The following REDIC1 variants were observed in gnomAD, a reference collection of about 807,000 sequenced individuals.
The protein encoded by REDIC1 is HEI10 Interacting Protein 1.
At chr12:39,682,004 T>TTAG in the REDIC1 span, among the ~76,000 whole-genome samples, 1 of 151,766 alleles carries the variant, frequency 6.6e-6, no homozygotes, top group Non-Finnish European at 1.5e-5. Flanking sequence ...TAACCTAGAA[T>TTAG]TATTTCTGCA....
the REDIC1 span, chr12:39,643,988 T>C: frequency 1.6e-6 from 2 of 1,215,778 alleles, no homozygotes; most frequent in Non-Finnish European, 2.3e-6. Flanking sequence ...TCTAATTAGT[T>C]TGTAATTTTT....
the REDIC1 span, among the ~76,000 whole-genome samples, chr12:39,648,386 C>T: frequency 1.3e-5 from 2 of 151,854 alleles, no homozygotes; most frequent in Admixed American, 1.3e-4. Flanking sequence ...GTAGTAGTCT[C>T]TTAAAGTGAT....
the REDIC1 span, among the ~76,000 whole-genome samples, chr12:39,817,582 G>A: frequency 6.6e-6 from 1 of 152,152 alleles, no homozygotes; most frequent in Non-Finnish European, 1.5e-5. Flanking sequence ...AAGGGGGTTA[G>A]TGAAACAAAG....
At chr12:39,699,998 G>A in the REDIC1 span, among the ~76,000 whole-genome samples, 7 of 152,182 alleles carry the variant, frequency 4.6e-5, no homozygotes, top group South Asian at 2.1e-4. Context: ...AAAAAACAGA[G>A]CAGAAAAACT....
At chr12:39,876,332 T>C in the REDIC1 span, among the ~76,000 whole-genome samples, 1 of 152,176 alleles carries the variant, frequency 6.6e-6, no homozygotes, top group African/African-American at 2.4e-5. Context: ...TAACTAGCAA[T>C]AAAAGACTAA....
the REDIC1 span, chr12:39,641,062 A>G: frequency 1.6e-5 from 20 of 1,234,996 alleles, no homozygotes; most frequent in South Asian, 1.2e-4. Context: ...CTTTTCTACC[A>G]CTAATACATT....
chr12:39,730,388 A>G, the REDIC1 span, among the ~76,000 whole-genome samples: 1 of 152,178 alleles, frequency 6.6e-6, no homozygotes, highest in Non-Finnish European at 1.5e-5. Flanking sequence ...GCTTGTCTCT[A>G]AAGGATTTTA....
chr12:39,780,315 G>GAT, the REDIC1 span, among the ~76,000 whole-genome samples: 21 of 152,122 alleles, frequency 1.4e-4, no homozygotes, highest in East Asian at 4.1e-3. Context: ...TACCAGTTCA[G>GAT]ATATATATAT....
At chr12:39,740,683 G>A in the REDIC1 span, among the ~76,000 whole-genome samples, 3 of 152,150 alleles carry the variant, frequency 2.0e-5, no homozygotes, top group African/African-American at 7.2e-5. Flanking sequence ...AATATAGTGA[G>A]GAAGAAAGAA....
chr12:39,859,803 C>T, the REDIC1 span, among the ~76,000 whole-genome samples: 7 of 151,926 alleles, frequency 4.6e-5, no homozygotes, highest in East Asian at 1.9e-4. Flanking sequence ...TGGGATTACA[C>T]GCCTGAGCCA....
chr12:39,692,394 TTTC>T, the REDIC1 span, among the ~76,000 whole-genome samples: 1 of 151,982 alleles, frequency 6.6e-6, no homozygotes, highest in Non-Finnish European at 1.5e-5. Context: ...CTTTTGAAGA[TTTC>T]TTCAATTGTA....
chr12:39,899,374 CTTCT>C, the REDIC1 span, among the ~76,000 whole-genome samples: 4 of 152,002 alleles, frequency 2.6e-5, no homozygotes, highest in Non-Finnish European at 5.9e-5. Context: ...CCTCTCTTTT[CTTCT>C]TTATTAGTCT....
the REDIC1 span, among the ~76,000 whole-genome samples, chr12:39,653,945 G>A: frequency 6.6e-6 from 1 of 151,212 alleles, no homozygotes; most frequent in Admixed American, 6.6e-5. Context: ...GTTAGCTATA[G>A]GTGTTTTTGT....
At chr12:39,899,271 A>G in the REDIC1 span, among the ~76,000 whole-genome samples, 3 of 152,060 alleles carry the variant, frequency 2.0e-5, no homozygotes, top group Non-Finnish European at 2.9e-5. Flanking sequence ...ATTTGCGTAG[A>G]GGTGTTTGCA....
the REDIC1 span, among the ~76,000 whole-genome samples, chr12:39,658,792 C>T: frequency 6.6e-6 from 1 of 152,054 alleles, no homozygotes. Flanking sequence ...AGATTATCTT[C>T]AAGTTATAGT....
At chr12:39,713,542 G>A in the REDIC1 span, among the ~76,000 whole-genome samples, 1 of 148,716 alleles carries the variant, frequency 6.7e-6, no homozygotes, top group Non-Finnish European at 1.5e-5. Flanking sequence ...ACGTACATAC[G>A]TATACATGCG....
chr12:39,855,468 C>A, the REDIC1 span, among the ~76,000 whole-genome samples: 1 of 152,134 alleles, frequency 6.6e-6, no homozygotes, highest in Non-Finnish European at 1.5e-5. Context: ...ATGAATTATG[C>A]CAGGTCATGC....
the REDIC1 span, among the ~76,000 whole-genome samples, chr12:39,765,722 TA>T: frequency 4.6e-5 from 7 of 152,078 alleles, no homozygotes; most frequent in Admixed American, 2.6e-4. Flanking sequence ...TGGCCTCATT[TA>T]AAAAAATTAT....
At chr12:39,835,859 A>G in the REDIC1 span, 1 of 152,146 alleles carries the variant, frequency 6.6e-6, no homozygotes, top group African/African-American at 2.4e-5. Flanking sequence ...TGACGTAAAT[A>G]TATTAGTCAT....
Sources: allele counts gnomAD v4.1 joint callset (sites outside exome capture counted in the v4.1 genomes callset), GRCh38; gene constraint gnomAD v4.1.1; transcripts MANE v1.5; gene names NCBI Gene and HGNC (gene_info 2026-07-23, HGNC 2026-07-21).